Variants in TBC1D32 observed in about 807,000 individuals in gnomAD.
The protein encoded by TBC1D32 is protein broad-minded.
TBC1D32 carries 151 observed loss-of-function variants against 170.3 expected under a neutral mutation model. That is an observed-to-expected ratio of 0.89 (90% CI 0.78 to 1.01). The LOEUF (loss-of-function observed/expected upper bound fraction) is 1.01. Among genes scored for constraint, TBC1D32 ranks in the 50% least tolerant of loss-of-function variants. The pLI, the probability that TBC1D32 is intolerant of heterozygous loss-of-function variation, is 0.00. For synonymous variants in TBC1D32, 498 were observed against 488.0 expected (o/e 1.02, Z -0.27); for missense variants, 1,464 against 1,457.1 (o/e 1.00, Z -0.08).
At chr6:121,324,363 A>C (rs967804219) in intron 1 of TBC1D32, among the ~76,000 whole-genome samples, 1 of 152,140 alleles carries the variant, frequency 6.6e-6, no homozygotes, top group Non-Finnish European at 1.5e-5. Context: ...TTAATTATTG[A>C]TTGAATTTTC....
intron 14 of TBC1D32, among the ~76,000 whole-genome samples, chr6:121,280,963 G>C (rs2128444606): frequency 6.6e-6 from 1 of 151,966 alleles, no homozygotes; most frequent in South Asian, 2.1e-4. Flanking sequence ...ACCCAAACTA[G>C]TGACAATAGC....
At chr6:121,208,884 G>T (rs921145361) in intron 21 of TBC1D32, among the ~76,000 whole-genome samples, 4 of 152,060 alleles carry the variant, frequency 2.6e-5, no homozygotes, top group African/African-American at 9.7e-5. Flanking sequence ...CAGTTACCCG[G>T]TTTGTGGTAA....
At chr6:121,321,900 G>C in intron 1 of TBC1D32, 106 bp from the exon 2 acceptor site, 1 of 1,034,818 alleles carries the variant, frequency 9.7e-7, no homozygotes, top group Non-Finnish European at 1.3e-6. Context: ...CCTTAAACTA[G>C]GATTAAATTA....
At chr6:121,095,550 CATG>C (rs1439451983) in intron 30 of TBC1D32, among the ~76,000 whole-genome samples, 3 of 152,084 alleles carry the variant, frequency 2.0e-5, no homozygotes, top group Admixed American at 1.3e-4. Flanking sequence ...GCCCATTCAG[CATG>C]ATATTGGCTG....
intron 22 of TBC1D32, among the ~76,000 whole-genome samples, chr6:121,197,981 C>A (rs1200691149): frequency 6.6e-6 from 1 of 151,766 alleles, no homozygotes; most frequent in Non-Finnish European, 1.5e-5. Context: ...ACTGGCCTAG[C>A]CTCCCAGCCT....
At chr6:121,087,095 T>C (rs1225112071) in intron 31 of TBC1D32, among the ~76,000 whole-genome samples, 1 of 152,184 alleles carries the variant, frequency 6.6e-6, no homozygotes, top group African/African-American at 2.4e-5. Flanking sequence ...CACCACAGCA[T>C]GAAAATGATG....
chr6:121,210,076 A>C (rs761711513), intron 21 of TBC1D32, among the ~76,000 whole-genome samples: 4 of 152,226 alleles, frequency 2.6e-5, no homozygotes, highest in Non-Finnish European at 4.4e-5. Context: ...CCTTTAATTT[A>C]ATAAAGTACA....
chr6:121,249,505 T>C (rs1489336865), intron 17 of TBC1D32, among the ~76,000 whole-genome samples: 1 of 151,858 alleles, frequency 6.6e-6, no homozygotes, highest in African/African-American at 2.4e-5. Context: ...GCATCCAAAC[T>C]AGAAAAGAGG....
intron 22 of TBC1D32, among the ~76,000 whole-genome samples, chr6:121,178,802 A>C (rs1788129476): frequency 6.6e-6 from 1 of 152,228 alleles, no homozygotes; most frequent in African/African-American, 2.4e-5. Flanking sequence ...CAGCTGTAAG[A>C]AAGGACCTCC....
chr6:121,333,747 G>A (rs1811495084), intron 1 of TBC1D32, among the ~76,000 whole-genome samples: 1 of 152,144 alleles, frequency 6.6e-6, no homozygotes, highest in South Asian at 2.1e-4. Context: ...TGGATTATTA[G>A]GATATGCTGG....
At chr6:121,095,597 G>C (rs1349808237) in intron 30 of TBC1D32, among the ~76,000 whole-genome samples, 3 of 152,122 alleles carry the variant, frequency 2.0e-5, no homozygotes, top group African/African-American at 7.2e-5. Flanking sequence ...ATTATTTTGA[G>C]ATACGTTCCA....
intron 20 of TBC1D32, among the ~76,000 whole-genome samples, chr6:121,235,386 T>G (rs1343990836): frequency 6.6e-6 from 1 of 152,082 alleles, no homozygotes; most frequent in Non-Finnish European, 1.5e-5. Context: ...GGGAGAGGCG[T>G]GTCTGAGCTC....
At chr6:121,113,789 G>A (rs770358650) in intron 27 of TBC1D32, among the ~76,000 whole-genome samples, 2 of 152,164 alleles carry the variant, frequency 1.3e-5, no homozygotes, top group Non-Finnish European at 2.9e-5. Flanking sequence ...ATGCAACTAT[G>A]TATAAATCAA....
intron 20 of TBC1D32, among the ~76,000 whole-genome samples, chr6:121,226,930 C>A (rs1259149561): frequency 6.8e-6 from 1 of 147,646 alleles, no homozygotes; most frequent in Non-Finnish European, 1.5e-5. Flanking sequence ...CTTCTGAAGC[C>A]AAGTCTCACT....
chr6:121,199,525 A>C (rs1791256837), intron 22 of TBC1D32, among the ~76,000 whole-genome samples: 1 of 151,240 alleles, frequency 6.6e-6, no homozygotes, highest in African/African-American at 2.5e-5. Context: ...TGTAAACAAG[A>C]ATTGTTTGAT....
chr6:121,136,601 C>T (rs1406818870), intron 24 of TBC1D32, among the ~76,000 whole-genome samples: 2 of 152,018 alleles, frequency 1.3e-5, no homozygotes, highest in South Asian at 2.1e-4. Flanking sequence ...CTGAGAAGCC[C>T]TGACTTATAG....
At chr6:121,303,076 T>C (rs567684268) in intron 9 of TBC1D32, among the ~76,000 whole-genome samples, 7 of 151,986 alleles carry the variant, frequency 4.6e-5, no homozygotes, top group Non-Finnish European at 1.0e-4. Context: ...TTAACAGAGG[T>C]TGAGGGAGGT....
chr6:121,156,143 CTTT>C (rs200378071), intron 24 of TBC1D32, among the ~76,000 whole-genome samples: 1 of 137,834 alleles, frequency 7.3e-6, no homozygotes, highest in Admixed American at 7.1e-5. Context: ...TGGTCCCAGG[CTTT>C]TTTTTTTTGG....
intron 24 of TBC1D32, among the ~76,000 whole-genome samples, chr6:121,153,696 G>A (rs578209859): frequency 3.1e-4 from 47 of 152,280 alleles, no homozygotes; most frequent in African/African-American, 1.1e-3. Context: ...CCTGCCCGGA[G>A]AGGAGGAATC....
Sources: gnomAD v4.1 joint callset for allele counts (sites outside exome capture counted in the v4.1 genomes callset) on GRCh38, gnomAD v4.1.1 for gene constraint, MANE v1.5 for transcripts, NCBI Gene and HGNC (gene_info 2026-07-23, HGNC 2026-07-21) for gene names.